Variants in YIPF1 observed in about 807,000 individuals in gnomAD.
YIPF1 encodes the protein Yip1 domain family member 1.
YIPF1 carries 22 observed loss-of-function variants against 37.0 expected under a neutral mutation model. The observed-to-expected ratio is 0.59, with a 90% CI of 0.42 to 0.85. The LOEUF (loss-of-function observed/expected upper bound fraction) is 0.85, where lower values mean the gene tolerates loss of function less well. Among genes scored for constraint, YIPF1 ranks in the 40% least tolerant of loss-of-function variants. The pLI is 0.00. For missense variants in YIPF1, 355 were observed against 373.1 expected, an observed-to-expected ratio of 0.95 and a Z score of 0.40; for synonymous variants, 128 against 131.9, an observed-to-expected ratio of 0.97 and a Z score of 0.21.
intron 9 of YIPF1, among the ~76,000 whole-genome samples, chr1:53,861,806 G>GA (rs1649890592): frequency 6.6e-6 from 1 of 152,116 alleles, no homozygotes; most frequent in Non-Finnish European, 1.5e-5. Flanking sequence ...TTGAGGCCAG[G>GA]AGTTCAAGAC....
intron 9 of YIPF1, among the ~76,000 whole-genome samples, chr1:53,862,086 C>T (rs1186672974): frequency 1.3e-5 from 2 of 152,196 alleles, no homozygotes; most frequent in Admixed American, 6.5e-5. Flanking sequence ...TCCAAAAATG[C>T]TTAATAACAA....
At position 53,852,042 on chromosome 1, in the gene YIPF1, A is replaced by G. The variant is rs1053714989; in HGVS notation, c.*237T>C. 2.6e-5 allele frequency: 4 copies of G among 152,244 alleles called. No homozygotes were observed. The highest frequency in any genetic ancestry group is 2.6e-4 in the Admixed American group (4 of 15,288). 9.4% of individuals were successfully genotyped at this position (152,244 alleles called of 1,614,324 possible). ...TATTCCCTGGCATTTCAGTCCAATC[A>G]GCGCATGCTCGCAATGATCATCCAT... On this transcript the variant is annotated 3_prime_UTR_variant, in exon 11 of 11. Transcript: ENST00000072644.
intron 3 of YIPF1, among the ~76,000 whole-genome samples, chr1:53,884,228 T>G (rs1270496409): frequency 1.2e-5 from 1 of 82,690 alleles, no homozygotes; most frequent in Non-Finnish European, 2.3e-5. Context: ...GAGTAAGACT[T>G]TGTCTCAAAA....
intron 9 of YIPF1, among the ~76,000 whole-genome samples, chr1:53,862,239 G>A (rs1649902370): frequency 6.6e-6 from 1 of 152,196 alleles, no homozygotes; most frequent in South Asian, 2.1e-4. Flanking sequence ...TTTTCCCAAG[G>A]CTAGACAACT....
chr1:53,874,510 T>C (rs779941090), intron 6 of YIPF1, among the ~76,000 whole-genome samples: 25 of 152,208 alleles, frequency 1.6e-4, no homozygotes, highest in Non-Finnish European at 3.4e-4. Context: ...TTCACACCTA[T>C]AATCCCAGCA....
chr1:53,853,735 T>C (rs10888810), intron 10 of YIPF1, among the ~76,000 whole-genome samples: 151,097 of 152,368 alleles, frequency 0.99, 74,932 homozygotes, highest in East Asian at 1. Flanking sequence ...GAAAGCCAGA[T>C]GCTGTAATTT....
At chr1:53,880,990 C>T (rs901777061) in intron 4 of YIPF1, among the ~76,000 whole-genome samples, 6 of 151,884 alleles carry the variant, frequency 4.0e-5, no homozygotes, top group Admixed American at 2.6e-4. Flanking sequence ...ACCAGCTGGG[C>T]GCGGTGGCTC....
chr1:53,888,347 T>C lies in YIPF1; in HGVS notation c.31+560A>G, dbSNP rs76917469. ...AGCACTTTCATAGTTTGTAGGTATA[T>C]ATTTAAATGATCATTTAATAAATAC... On this transcript the variant is annotated intron_variant, in intron 3 of 10. Transcript: ENST00000072644. Among the ~76,000 whole-genome samples, 141 of 152,362 alleles carry C rather than the reference T, an allele frequency of 9.3e-4. 2 individuals are homozygous for C. The East Asian group carries it at 0.023, about 25-fold the overall frequency.
At chr1:53,864,274 A>G (rs948417832) in intron 9 of YIPF1, among the ~76,000 whole-genome samples, 1 of 152,244 alleles carries the variant, frequency 6.6e-6, no homozygotes, top group African/African-American at 2.4e-5. Flanking sequence ...GATGTTCTTC[A>G]GCAGACAGAA....
In YIPF1 at chr1:53,883,224, T is replaced by C; in HGVS notation, c.84A>G (p.Val28=). 1.3e-6 allele frequency: 2 copies of C among 1,594,944 alleles called. No individual in the cohort carries two copies. Among genetic ancestry groups the C allele is most frequent in the Non-Finnish European group, 8.5e-7 (1 of 1,172,188 alleles). The change falls in exon 4 of 11, where the codon GTA becomes GTG. Residue 28 remains valine, a synonymous_variant. Transcript: ENST00000072644. ...GGGTTTCACCAGGATCCTCAATGTTTACTGTGGTGGCATCTGGGTTTGCTG... is the reference window on the plus strand; with the variant it reads ...GGGTTTCACCAGGATCCTCAATGTTCACTGTGGTGGCATCTGGGTTTGCTG... ...SLTANPDATT[V]NIEDPGETPK... is the part of the protein sequence containing the mutation.
chr1:53,876,286 T>C (rs1042400086), intron 6 of YIPF1, among the ~76,000 whole-genome samples: 1 of 152,252 alleles, frequency 6.6e-6, no homozygotes, highest in African/African-American at 2.4e-5. Context: ...ATTGGAAGTA[T>C]GTCCCCTGGT....
chr1:53,875,094 CT>C (rs1485900774), intron 6 of YIPF1, among the ~76,000 whole-genome samples: 1 of 152,164 alleles, frequency 6.6e-6, no homozygotes, highest in Non-Finnish European at 1.5e-5. Flanking sequence ...GTATAAGCAT[CT>C]TCAAACTGCT....
At chr1:53,859,967 C>G (rs1649821721) in intron 10 of YIPF1, 89 bp downstream of exon 10, 1 of 1,322,170 alleles carries the variant, frequency 7.6e-7, no homozygotes, top group African/African-American at 1.5e-5. Context: ...GGGTCTGGCC[C>G]TCTGTGCTTA....
intron 3 of YIPF1, among the ~76,000 whole-genome samples, chr1:53,885,858 T>C (rs184890180): frequency 2.7e-5 from 4 of 150,762 alleles, no homozygotes; most frequent in Admixed American, 6.6e-5. Context: ...AGAGTATAAT[T>C]GGATTGTTTG....
intron 4 of YIPF1, among the ~76,000 whole-genome samples, chr1:53,879,742 T>C (rs1185817367): frequency 6.6e-6 from 1 of 152,122 alleles, no homozygotes; most frequent in Non-Finnish European, 1.5e-5. Context: ...GGAAAACGGA[T>C]GGCCGATTAG....
In YIPF1 at chr1:53,866,829, T is replaced by A. The variant is rs778610293; in HGVS notation, c.577A>T (p.Ile193Phe). Reference protein sequence around the residue: ...LMWRNSKVMNIVSYSFLEIVC... With the variant: ...LMWRNSKVMNFVSYSFLEIVC... ...ATCTCCAGAAATGAATAGGAGACGATGTTCATAACTTTGCTGTTTCTCCAC... is the reference window on the plus strand; with the variant it reads ...ATCTCCAGAAATGAATAGGAGACGAAGTTCATAACTTTGCTGTTTCTCCAC... The change falls in exon 8 of 11, where the codon ATC becomes TTC. Residue 193 changes from isoleucine (I) to phenylalanine (F), a missense_variant. Coordinates refer to ENST00000072644, the MANE Select transcript of YIPF1 (RefSeq NM_018982.5). The A allele has an allele frequency of 6.2e-7, 1 of 1,614,214 alleles. No homozygotes were observed. Among genetic ancestry groups the A allele is most frequent in the Non-Finnish European group, 8.5e-7 (1 of 1,180,028 alleles).
intron 9 of YIPF1, 72 bp downstream of exon 9, chr1:53,866,128 T>G (rs1650014795): frequency 6.5e-7 from 1 of 1,528,288 alleles, no homozygotes; most frequent in Admixed American, 1.9e-5. Context: ...AGAACTGTTG[T>G]GTCTAACAGT....
chr1:53,886,417 C>T (rs1650653202), intron 3 of YIPF1, among the ~76,000 whole-genome samples: 1 of 151,964 alleles, frequency 6.6e-6, no homozygotes, highest in South Asian at 2.1e-4. Flanking sequence ...ACATTCTCTG[C>T]TTTTACATCC....
At chr1:53,868,052 C>T (rs1569620664) in intron 7 of YIPF1, among the ~76,000 whole-genome samples, 1 of 152,194 alleles carries the variant, frequency 6.6e-6, no homozygotes, top group Admixed American at 6.5e-5. Context: ...AACAAAGACA[C>T]CCCTAACAAT....
Sources: gnomAD v4.1 joint callset for allele counts (sites outside exome capture counted in the v4.1 genomes callset) on GRCh38, gnomAD v4.1.1 for gene constraint, MANE v1.5 for transcripts, NCBI Gene and HGNC (gene_info 2026-07-23, HGNC 2026-07-21) for gene names.